DNAH14: variants seen among roughly 807,000 people sequenced by gnomAD.
The protein encoded by DNAH14 is dynein axonemal heavy chain 14.
A neutral mutation model predicts 520.9 loss-of-function variants in DNAH14; 478 were observed. The ratio of observed to expected loss-of-function variants is 0.92; its 90% CI spans 0.85 to 0.99. The LOEUF (loss-of-function observed/expected upper bound fraction) is 0.99. Among genes scored for constraint, DNAH14 ranks in the 50% least tolerant of loss-of-function variants. The pLI is 0.00. For synonymous variants in DNAH14, 1,581 were observed against 1,757.2 expected (o/e 0.90, Z 2.51); for missense variants, 4,831 against 5,234.5 (o/e 0.92, Z 2.38).
intron 44 of DNAH14, among the ~76,000 whole-genome samples, chr1:225,254,258 C>T (rs753964243): frequency 6.6e-5 from 10 of 152,018 alleles, no homozygotes; most frequent in Admixed American, 1.3e-4. Flanking sequence ...CCTTTAAAAG[C>T]CATGGTTATA....
intron 34 of DNAH14, among the ~76,000 whole-genome samples, chr1:225,157,997 T>G (rs887461770): frequency 3.9e-5 from 6 of 152,194 alleles, no homozygotes; most frequent in Non-Finnish European, 7.3e-5. Flanking sequence ...TGACTATATA[T>G]AGTTAACAGT....
At chr1:225,304,196 C>T (rs1012143852) in intron 57 of DNAH14, among the ~76,000 whole-genome samples, 2 of 152,102 alleles carry the variant, frequency 1.3e-5, no homozygotes, top group Admixed American at 1.3e-4. Flanking sequence ...ATTTTTGTAG[C>T]TTTATTTTAC....
chr1:225,331,608 C>T (rs1362128136), intron 65 of DNAH14, 31 bp downstream of exon 65: 2 of 1,550,704 alleles, frequency 1.3e-6, no homozygotes, highest in Non-Finnish European at 1.7e-6. Flanking sequence ...ATATCTCGTC[C>T]ATAATTCCTA....
At chr1:224,968,045 T>A (rs1304376993) in intron 6 of DNAH14, 12 of 788,900 alleles carry the variant, frequency 1.5e-5, no homozygotes, top group Non-Finnish European at 1.9e-5. Context: ...TTGTTTAATG[T>A]CTGTCTGCCT....
intron 38 of DNAH14, among the ~76,000 whole-genome samples, 197 bp downstream of exon 38, chr1:225,193,108 C>A (rs1352049938): frequency 6.6e-6 from 1 of 151,920 alleles, no homozygotes; most frequent in Non-Finnish European, 1.5e-5. Context: ...TTTAAATGAT[C>A]AGTAAATGAT....
intron 23 of DNAH14, among the ~76,000 whole-genome samples, chr1:225,112,062 A>T (rs980991753): frequency 1.3e-5 from 2 of 152,056 alleles, no homozygotes; most frequent in Non-Finnish European, 2.9e-5. Context: ...TACTTAAGAT[A>T]TGAGTAGTTT....
At position 225,351,699 on chromosome 1, in the gene DNAH14, G is replaced by A. The variant is rs1290902787; in HGVS notation, c.11349G>A (p.Arg3783=). The change falls in exon 72 of 86, where the codon AGG becomes AGA. Residue 3783 remains arginine (R), a synonymous_variant. Coordinates refer to ENST00000682510, the MANE Select transcript of DNAH14 (RefSeq NM_001367479.1). ...SQHLQWLSDS[R]WRQCQYVSTH... is the part of the protein sequence containing the mutation. ...ATCTTCAGTGGCTGTCAGATTCCAG[G>A]TGGAGGCAGTGCCAATATGTCAGCA... 3.2e-6 allele frequency: 5 copies of A among 1,550,258 alleles called. No individual in the cohort carries two copies. The highest frequency in any genetic ancestry group is 4.4e-6 in the Non-Finnish European group (5 of 1,145,920).
At chr1:225,362,448 G>A (rs546128334) in intron 75 of DNAH14, among the ~76,000 whole-genome samples, 2 of 151,862 alleles carry the variant, frequency 1.3e-5, no homozygotes, top group African/African-American at 2.4e-5. Context: ...GGTGGCACAC[G>A]CCTGTAGTCC....
Position 225,079,214 on chromosome 1 carries a change from A to G in DNAH14, c.2432A>G (p.Glu811Gly), listed in dbSNP as rs1426065499. The G allele has an allele frequency of 6.5e-7, 1 of 1,539,844 alleles. No homozygotes were observed. Among genetic ancestry groups the G allele is most frequent in the Non-Finnish European group, 8.7e-7 (1 of 1,144,656 alleles). The stretch of plus-strand genomic sequence containing the variant: ...TTGACATGTTGATTTCAGGTTGTGG[A>G]ATCATCATTGCAGCAGCTGGAATGT... ...KKNKNLLEVV[E>G]SSLQQLECDP... The change falls in exon 18 of 86, where the codon GAA (glutamate) becomes GGA (glycine). Residue 811 changes from glutamate to glycine, a missense_variant. By Grantham distance (98) the Glu-to-Gly change is moderately conservative (BLOSUM62 -2). Coordinates refer to ENST00000682510, the MANE Select transcript of DNAH14 (RefSeq NM_001367479.1).
chr1:224,949,729 T>C (rs2125472602), intron 1 of DNAH14, among the ~76,000 whole-genome samples: 1 of 152,326 alleles, frequency 6.6e-6, no homozygotes, highest in South Asian at 2.1e-4. Flanking sequence ...TCTGATACTT[T>C]GGAAGGTTCA....
In DNAH14 at chr1:225,023,598, T is replaced by G; in HGVS notation, c.1108-17T>G. On this transcript the variant is annotated splice_polypyrimidine_tract_variant and intron_variant, in intron 10 of 85. Coordinates refer to ENST00000682510, the MANE Select transcript of DNAH14 (RefSeq NM_001367479.1). Reference sequence around the variant, plus strand: ...AGAAAATCAATACTTGTTTCTCAATTGTTTTTTAAATTGTAGGTTGCAGAA... The same window carrying G: ...AGAAAATCAATACTTGTTTCTCAATGGTTTTTTAAATTGTAGGTTGCAGAA... The G allele has an allele frequency of 1.3e-6, 2 of 1,492,412 alleles. No individual in the cohort carries two copies. Among genetic ancestry groups the G allele is most frequent in the Non-Finnish European group, 1.8e-6 (2 of 1,116,476 alleles). 92.4% of individuals were successfully genotyped at this position (1,492,412 alleles called of 1,614,324 possible).
chr1:225,231,832 A>T (rs546927898), intron 42 of DNAH14, among the ~76,000 whole-genome samples: 1 of 97,972 alleles, frequency 1.0e-5, no homozygotes, highest in Non-Finnish European at 2.2e-5. Flanking sequence ...GGTTTCCCCA[A>T]TTTTTTCCTG....
chr1:225,240,887 G>A, intron 43 of DNAH14, 65 bp downstream of exon 43: 1 of 1,171,102 alleles, frequency 8.5e-7, no homozygotes, highest in Non-Finnish European at 1.2e-6. Context: ...GCAATGCTTG[G>A]CTTATAATGA....
intron 21 of DNAH14, among the ~76,000 whole-genome samples, chr1:225,096,568 A>G (rs1325864349): frequency 5.3e-5 from 8 of 152,180 alleles, no homozygotes; most frequent in African/African-American, 1.9e-4. Context: ...ATACAATGGA[A>G]TTTCCTGAAA....
intron 34 of DNAH14, among the ~76,000 whole-genome samples, chr1:225,157,703 A>G (rs1006398432): frequency 1.3e-5 from 2 of 152,144 alleles, no homozygotes; most frequent in African/African-American, 4.8e-5. Flanking sequence ...AAAAAATATT[A>G]AAAGGCCATT....
intron 62 of DNAH14, among the ~76,000 whole-genome samples, chr1:225,323,541 G>A (rs2094594132): frequency 6.6e-6 from 1 of 152,100 alleles, no homozygotes; most frequent in South Asian, 2.1e-4. Flanking sequence ...TCAGCTCACT[G>A]CAACCTCCAC....
At chr1:224,952,951 C>A (rs2060270171) in intron 2 of DNAH14, 172 bp downstream of exon 2, 1 of 436,054 alleles carries the variant, frequency 2.3e-6, no homozygotes. Flanking sequence ...TCTGATAAGA[C>A]AGGCAAATTA....
intron 12 of DNAH14, 95 bp from the exon 13 acceptor site, chr1:225,042,740 T>A: frequency 7.5e-7 from 1 of 1,340,270 alleles, no homozygotes; most frequent in Non-Finnish European, 1.0e-6. Context: ...ACTGGAGTTA[T>A]GATTTCTCAT....
At chr1:225,061,544 C>T (rs1031020822) in intron 17 of DNAH14, among the ~76,000 whole-genome samples, 1 of 152,226 alleles carries the variant, frequency 6.6e-6, no homozygotes, top group Non-Finnish European at 1.5e-5. Flanking sequence ...TGACACTGCC[C>T]AGTGAGATGA....
Sources: gnomAD v4.1 joint callset for allele counts (sites outside exome capture counted in the v4.1 genomes callset) on GRCh38, gnomAD v4.1.1 for gene constraint, MANE v1.5 for transcripts, NCBI Gene and HGNC (gene_info 2026-07-23, HGNC 2026-07-21) for gene names.